CAMTA1: variants seen among roughly 807,000 people sequenced by gnomAD.
The protein encoded by CAMTA1 is calmodulin binding transcription activator 1.
Under a neutral mutation model 170.9 loss-of-function variants are expected in CAMTA1, and 27 were observed. The observed-to-expected ratio is 0.16, with a 90% confidence interval of 0.12 to 0.22. CAMTA1 has a LOEUF of 0.22. CAMTA1 is among the 10% of genes least tolerant of loss of function. CAMTA1 has a pLI of 1.00. For synonymous variants in CAMTA1, 833 were observed against 891.5 expected (o/e 0.93, Z 1.17); for missense variants, 1,619 against 2,217.2 (o/e 0.73, Z 5.42).
At chr1:7,594,738 G>A (rs375755231) in intron 6 of CAMTA1, among the ~76,000 whole-genome samples, 31 of 152,320 alleles carry the variant, frequency 2.0e-4, no homozygotes, top group African/African-American at 7.2e-4. Flanking sequence ...AAGTTAAGAC[G>A]AAGAGAGGAC....
chr1:7,561,816 C>T lies in CAMTA1; in HGVS notation c.511-78584C>T, dbSNP rs2094960618. 6.6e-6 allele frequency among the ~76,000 whole-genome samples: 1 copy of T among 152,062 alleles called. No homozygotes were observed. Reference sequence around the variant, plus strand: ...CTACCTCCCACAAGCAGAAATGACTCGGGGATGGATGAGAACGAACCCTCA... The same window carrying T: ...CTACCTCCCACAAGCAGAAATGACTTGGGGATGGATGAGAACGAACCCTCA... On this transcript the variant is annotated intron_variant, in intron 6 of 22. Transcript: ENST00000303635. This position sits in a 1 kb window ranked among gnomAD's most constrained non-coding sequence, Gnocchi z 5.3.
intron 5 of CAMTA1, chr1:7,388,424 T>C (rs1224986692): frequency 6.6e-6 from 1 of 152,344 alleles, no homozygotes; most frequent in Non-Finnish European, 1.5e-5. Context: ...CCGTGAGCCT[T>C]CCGATGTGCC....
At chr1:7,275,991 A>G (rs1670531587) in intron 5 of CAMTA1, among the ~76,000 whole-genome samples, 1 of 152,022 alleles carries the variant, frequency 6.6e-6, no homozygotes, top group African/African-American at 2.4e-5. Flanking sequence ...AAAATCCATA[A>G]CAAGATATTA....
chr1:7,152,645 C>T (rs1001115943), intron 4 of CAMTA1, among the ~76,000 whole-genome samples: 3 of 152,186 alleles, frequency 2.0e-5, no homozygotes, highest in African/African-American at 4.8e-5. Flanking sequence ...GCGCATTGCT[C>T]GATTTTGCTC....
intron 5 of CAMTA1, among the ~76,000 whole-genome samples, chr1:7,284,045 A>G (rs1453533281): frequency 6.6e-6 from 1 of 152,092 alleles, no homozygotes; most frequent in South Asian, 2.1e-4. Flanking sequence ...TTTCTCATCT[A>G]TGAGGATTAG....
chr1:7,150,077 C>T (rs1005175712), intron 4 of CAMTA1, among the ~76,000 whole-genome samples: 7 of 152,158 alleles, frequency 4.6e-5, no homozygotes, highest in South Asian at 2.1e-4. Context: ...GGTCGCCCAG[C>T]GGCCTCCCTG....
In CAMTA1 at chr1:7,580,295, C is replaced by A. The variant is rs543265714; in HGVS notation, c.511-60105C>A. 2.0e-5 allele frequency among the ~76,000 whole-genome samples: 3 copies of A among 151,742 alleles called. No individual in the cohort carries two copies. The highest frequency in any genetic ancestry group is 4.4e-5 in the Non-Finnish European group (3 of 67,932). ...GTTGTCCACATCTGGACCGTGGGAG[C>A]TGTTGGGGGGAATGGGGGCAGGTGG... On this transcript the variant is annotated intron_variant, in intron 6 of 22. Transcript: ENST00000303635. This position sits in a 1 kb window ranked among gnomAD's most constrained non-coding sequence, Gnocchi z 4.3.
chr1:7,651,916 G>A (rs2095850787), intron 7 of CAMTA1, among the ~76,000 whole-genome samples: 2 of 152,172 alleles, frequency 1.3e-5, no homozygotes, highest in African/African-American at 4.8e-5. Flanking sequence ...CCAGCACAGG[G>A]CATCGCACTT....
In CAMTA1 at chr1:7,296,300, C is replaced by G. The variant is rs1453168065; in HGVS notation, c.438+46674C>G. Among the ~76,000 whole-genome samples the G allele has an allele frequency of 2.0e-5, 3 of 152,312 alleles. No individual in the cohort carries two copies. The South Asian group carries it at 6.2e-4, about 32-fold the overall frequency. On this transcript the variant is annotated intron_variant, in intron 5 of 22. Transcript: ENST00000303635. ...AAGTATTTTGGCCAAGGTTACATAACTATGTAACTAGTGAGTGGCAGGGCC... is the reference window on the plus strand; with the variant it reads ...AAGTATTTTGGCCAAGGTTACATAAGTATGTAACTAGTGAGTGGCAGGGCC...
Position 6,970,842 on chromosome 1 carries a change from G to A in CAMTA1, c.235-120462G>A, listed in dbSNP as rs184729449. ...ACAACCTCAGGAGAATGAACAGCCAGGTGTTCCCTGAGGCCAGTGGTAGTG... is the reference window on the plus strand; with the variant it reads ...ACAACCTCAGGAGAATGAACAGCCAAGTGTTCCCTGAGGCCAGTGGTAGTG... On this transcript the variant is annotated intron_variant, in intron 3 of 22. Transcript: ENST00000303635. This position sits in a 1 kb window ranked among gnomAD's most constrained non-coding sequence, Gnocchi z 4.4. Among the ~76,000 whole-genome samples the A allele has an allele frequency of 3.9e-5, 6 of 152,304 alleles. No homozygotes were observed. The highest frequency in any genetic ancestry group is 1.5e-5 in the Non-Finnish European group (1 of 68,020).
Position 7,450,617 on chromosome 1 carries a change from C to G in CAMTA1, c.439-17213C>G, listed in dbSNP as rs186749852. Among the ~76,000 whole-genome samples, 1,052 of 152,336 alleles carry G rather than the reference C, an allele frequency of 6.9e-3. 17 individuals are homozygous for G. The highest frequency in any genetic ancestry group is 0.023 in the African/African-American group (965 of 41,572). On this transcript the variant is annotated intron_variant, in intron 5 of 22. Coordinates refer to ENST00000303635, the MANE Select transcript of CAMTA1 (RefSeq NM_015215.4). Reference sequence around the variant, plus strand: ...CTGCCTGCAAGATTCAATACCGCCCCGTGCAGGTTAGCAGCACATTGGATT... The same window carrying G: ...CTGCCTGCAAGATTCAATACCGCCCGGTGCAGGTTAGCAGCACATTGGATT...
At chr1:7,434,805 C>A (rs911800711) in intron 5 of CAMTA1, among the ~76,000 whole-genome samples, 3 of 151,312 alleles carry the variant, frequency 2.0e-5, no homozygotes, top group Non-Finnish European at 4.4e-5. Context: ...CTCTGGGAGA[C>A]CGAGGCAGGC....
intron 3 of CAMTA1, among the ~76,000 whole-genome samples, chr1:7,074,545 AC>A (rs1334135713): frequency 2.0e-5 from 3 of 152,194 alleles, no homozygotes. Context: ...TTGAGATAAT[AC>A]TGTTATATAG....
chr1:6,801,384 A>G (rs994942481), intron 1 of CAMTA1, among the ~76,000 whole-genome samples: 1 of 152,096 alleles, frequency 6.6e-6, no homozygotes, highest in African/African-American at 2.4e-5. Flanking sequence ...GGAACTGAGG[A>G]TGGATTTAGC....
At chr1:6,940,028 C>T (rs1189392133) in intron 3 of CAMTA1, among the ~76,000 whole-genome samples, 1 of 152,286 alleles carries the variant, frequency 6.6e-6, no homozygotes, top group African/African-American at 2.4e-5. Context: ...TGGCCAATGC[C>T]AGCATATCCG....
chr1:7,181,194 A>G (rs1652081359), intron 4 of CAMTA1, among the ~76,000 whole-genome samples: 1 of 152,210 alleles, frequency 6.6e-6, no homozygotes, highest in African/African-American at 2.4e-5. Context: ...AAAATTCAAT[A>G]TGCATTCCTG....
At chr1:7,689,944 G>A (rs1008435379) in intron 11 of CAMTA1, among the ~76,000 whole-genome samples, 1 of 152,134 alleles carries the variant, frequency 6.6e-6, no homozygotes, top group Non-Finnish European at 1.5e-5. Flanking sequence ...TATCACCTGA[G>A]GTCAGGAGTT....
intron 3 of CAMTA1, among the ~76,000 whole-genome samples, chr1:6,935,612 C>T (rs1250608011): frequency 6.6e-6 from 1 of 152,174 alleles, no homozygotes; most frequent in African/African-American, 2.4e-5. Flanking sequence ...GTATTCTGTG[C>T]GCCTGCTTTA....
At chr1:7,753,224 C>T (rs2096909610) in intron 21 of CAMTA1, among the ~76,000 whole-genome samples, 2 of 152,204 alleles carry the variant, frequency 1.3e-5, no homozygotes, top group African/African-American at 4.8e-5. Context: ...AGGAATTTCT[C>T]TTTGTTCCTC....
Sources: gnomAD v4.1 joint callset for allele counts (sites outside exome capture counted in the v4.1 genomes callset) on GRCh38, gnomAD v4.1.1 for gene constraint, Gnocchi (gnomAD v3.1) non-coding constraint, MANE v1.5 for transcripts, NCBI Gene and HGNC (gene_info 2026-07-23, HGNC 2026-07-21) for gene names.